Variants in MRE11 observed in about 807,000 individuals in gnomAD.
The protein encoded by MRE11 is MRE11 double strand break repair nuclease, also known as double-strand break repair protein MRE11.
MRE11 carries 62 observed loss-of-function variants against 91.7 expected under a neutral mutation model. The ratio of observed to expected loss-of-function variants is 0.68; its 90% CI spans 0.55 to 0.84. MRE11 has a LOEUF of 0.84. MRE11 is among the 40% of genes least tolerant of loss of function. MRE11 has a pLI of 0.00. For synonymous variants in MRE11, 273 were observed against 271.4 expected (o/e 1.01, Z -0.06); for missense variants, 796 against 852.9 (o/e 0.93, Z 0.83).
At chr11:94,452,740 T>C (rs1946143085) in intron 14 of MRE11, among the ~76,000 whole-genome samples, 1 of 152,188 alleles carries the variant, frequency 6.6e-6, no homozygotes, top group Non-Finnish European at 1.5e-5. Flanking sequence ...TGAGTGCAGG[T>C]CTAGAGCCAA....
chr11:94,486,622 A>G (rs1947148708), intron 3 of MRE11, among the ~76,000 whole-genome samples: 1 of 152,218 alleles, frequency 6.6e-6, no homozygotes, highest in Non-Finnish European at 1.5e-5. Context: ...CTAATGGAAG[A>G]GGCAAACTGT....
chr11:94,486,390 G>GT (rs1172821244), intron 3 of MRE11, among the ~76,000 whole-genome samples: 1 of 152,122 alleles, frequency 6.6e-6, no homozygotes, highest in African/African-American at 2.4e-5. Flanking sequence ...TTAACAGAAC[G>GT]TATGGGAAGA....
chr11:94,450,948 C>T (rs1377903960), intron 14 of MRE11, among the ~76,000 whole-genome samples: 1 of 151,800 alleles, frequency 6.6e-6, no homozygotes, highest in Non-Finnish European at 1.5e-5. Flanking sequence ...AGGAAGAAAA[C>T]ACAAATATAC....
intron 14 of MRE11, among the ~76,000 whole-genome samples, chr11:94,454,900 G>T (rs1218874691): frequency 6.6e-6 from 1 of 152,084 alleles, no homozygotes; most frequent in Non-Finnish European, 1.5e-5. Flanking sequence ...CATTATTCTT[G>T]CAATTTGGCA....
At position 94,418,442 on chromosome 11, in the gene MRE11, T is replaced by G. The variant is rs1041567626; in HGVS notation, c.*1683A>C. ...TTTTCCTAGGAACTTGTCAGGATAC[T>G]TTAGTGACCATTCCCTCACTATAAC... On this transcript the variant is annotated 3_prime_UTR_variant, in exon 20 of 20. Coordinates refer to ENST00000323929, the MANE Select transcript of MRE11 (RefSeq NM_005591.4). 1.7e-5 allele frequency: 4 copies of G among 232,162 alleles called. No individual in the cohort carries two copies. The highest frequency in any genetic ancestry group is 8.8e-5 in the African/African-American group (4 of 45,278). The allele number at this position is 232,162 out of a possible 1,614,324, so 14.4% of individuals were successfully genotyped here.
the MRE11 span, among the ~76,000 whole-genome samples, chr11:94,511,653 G>T: frequency 6.6e-6 from 1 of 152,148 alleles, no homozygotes; most frequent in East Asian, 1.9e-4. Context: ...AAAGTGTTTG[G>T]CTCTGGGGTA....
intron 18 of MRE11, among the ~76,000 whole-genome samples, chr11:94,434,439 G>T (rs888949131): frequency 6.6e-6 from 1 of 151,902 alleles, no homozygotes; most frequent in South Asian, 2.1e-4. Flanking sequence ...AATTTCTAAC[G>T]TTAGGGAGAA....
the MRE11 span, among the ~76,000 whole-genome samples, chr11:94,503,467 A>G: frequency 1.3e-5 from 2 of 152,162 alleles, no homozygotes; most frequent in African/African-American, 4.8e-5. Context: ...AGGTGGGCAG[A>G]TCACAAGATC....
chr11:94,496,936 T>C (rs1369241933), upstream of MRE11: 1 of 1,613,362 alleles, frequency 6.2e-7, no homozygotes, highest in Non-Finnish European at 8.5e-7. Context: ...TTCTTTGGGC[T>C]GCTGAAAAAA....
intron 10 of MRE11, among the ~76,000 whole-genome samples, chr11:94,465,395 C>CTTTTT (rs752729940): frequency 3.1e-5 from 4 of 127,942 alleles, no homozygotes; most frequent in Non-Finnish European, 6.5e-5. Context: ...CTCTCTCTCT[C>CTTTTT]TTTTTTTTTT....
rs1478573350 is a variant in MRE11, at chr11:94,417,975, C to A, written c.*2150G>T. On this transcript the variant is annotated 3_prime_UTR_variant, in exon 20 of 20. Transcript: ENST00000323929. Reference sequence around the variant, plus strand: ...TTCTTTGGTAAGTAACAGAAGAATTCCCTACAGATGTCTTCCTCTGAATGT... The same window carrying A: ...TTCTTTGGTAAGTAACAGAAGAATTACCTACAGATGTCTTCCTCTGAATGT... The A allele has an allele frequency of 8.6e-6, 2 of 232,882 alleles. No individual in the cohort carries two copies. Among genetic ancestry groups the A allele is most frequent in the Non-Finnish European group, 1.7e-5 (2 of 117,962 alleles). The allele number at this position is 232,882 out of a possible 1,614,324, so 14.4% of individuals were successfully genotyped here.
chr11:94,433,419 A>G (rs1219283887), intron 18 of MRE11, among the ~76,000 whole-genome samples: 1 of 151,928 alleles, frequency 6.6e-6, no homozygotes, highest in African/African-American at 2.4e-5. Flanking sequence ...ATCTCAAACA[A>G]CCTCCTTTTC....
chr11:94,459,353 T>C (rs1946351484), intron 13 of MRE11, 55 bp downstream of exon 13: 2 of 1,582,084 alleles, frequency 1.3e-6, no homozygotes, highest in Admixed American at 3.3e-5. Flanking sequence ...ATCTCAGAGC[T>C]ACTCTTAAAG....
rs1554996391 is a variant in MRE11, at chr11:94,419,465, G to GGAGAGGGAGAGAGA, written c.*659_*660insTCTCTCTCCCTCTC. 4.2e-5 allele frequency: 9 copies of GGAGAGGGAGAGAGA among 216,370 alleles called. No individual in the cohort carries two copies. The highest frequency in any genetic ancestry group is 1.3e-4 in the Admixed American group (2 of 15,938). The allele number at this position is 216,370 out of a possible 1,614,324, so 13.4% of individuals were successfully genotyped here. On this transcript the variant is annotated 3_prime_UTR_variant, in exon 20 of 20. Coordinates refer to ENST00000323929, the MANE Select transcript of MRE11 (RefSeq NM_005591.4). ...GAAGAGTGGGGAACGGGGGGGAGAG[G>GGAGAGGGAGAGAGA]GAGAGAGAGAGAGAGAGAGAGAGAG... is the stretch of plus-strand genomic sequence containing the variant.
At chr11:94,483,202 G>A (rs1222057100) in intron 4 of MRE11, among the ~76,000 whole-genome samples, 1 of 152,170 alleles carries the variant, frequency 6.6e-6, no homozygotes, top group African/African-American at 2.4e-5. Context: ...GCTGGGCATG[G>A]TGGCTCACAA....
In MRE11 at chr11:94,460,885, T is replaced by A. The variant is rs770525561; in HGVS notation, c.1326+51A>T. 5.0e-6 allele frequency: 7 copies of A among 1,409,078 alleles called. No homozygotes were observed. The South Asian group carries it at 8.2e-5, about 17-fold the overall frequency. The allele number at this position is 1,409,078 out of a possible 1,614,324, so 87.3% of individuals were successfully genotyped here. On this transcript the variant is annotated intron_variant, in intron 12 of 19. Transcript: ENST00000323929. ...CAACTAAACATATCCTAAATTAAAA[T>A]CTGTTACTATAAGGTAGCCATTATT...
At position 94,478,636 on chromosome 11, in the gene MRE11, T is replaced by C. The variant is rs1466967515; in HGVS notation, c.544+99A>G. The C allele has an allele frequency of 2.9e-6, 4 of 1,374,868 alleles. No homozygotes were observed. In the South Asian group the frequency reaches 4.9e-5, roughly 17 times the overall value. The allele number at this position is 1,374,868 out of a possible 1,614,324, so 85.2% of individuals were successfully genotyped here. ...ATAGTCACCAATAAAGAATAAGGTTTGCCCCATTTTTTCCAAACAGATACA... is the reference window on the plus strand; with the variant it reads ...ATAGTCACCAATAAAGAATAAGGTTCGCCCCATTTTTTCCAAACAGATACA... On this transcript the variant is annotated intron_variant, in intron 6 of 19. Coordinates refer to ENST00000323929, the MANE Select transcript of MRE11 (RefSeq NM_005591.4).
chr11:94,491,298 G>A (rs1411357074), intron 2 of MRE11, among the ~76,000 whole-genome samples: 17 of 152,120 alleles, frequency 1.1e-4, no homozygotes, highest in Admixed American at 1.1e-3. Context: ...AAATAAACTT[G>A]TTATTTATCT....
chr11:94,470,789 T>C, intron 8 of MRE11, 147 bp from the exon 9 acceptor site: 1 of 894,354 alleles, frequency 1.1e-6, no homozygotes, highest in Admixed American at 2.1e-5. Flanking sequence ...TAATTTAACC[T>C]TAATGTTATC....
Sources: gnomAD v4.1 joint callset for allele counts (sites outside exome capture counted in the v4.1 genomes callset) on GRCh38, gnomAD v4.1.1 for gene constraint, MANE v1.5 for transcripts, NCBI Gene and HGNC (gene_info 2026-07-23, HGNC 2026-07-21) for gene names.